The following CHD8 variants were observed in gnomAD, a reference collection of about 807,000 sequenced individuals.
CHD8 encodes ATP-dependent chromatin remodeler CHD8.
CHD8 carries 31 observed loss-of-function variants against 279.2 expected under a neutral mutation model. The ratio of observed to expected loss-of-function variants is 0.11; its 90% confidence interval spans 0.08 to 0.15. CHD8 has a LOEUF of 0.15. Among genes scored for constraint, CHD8 ranks in the 10% least tolerant of loss-of-function variants. CHD8 has a pLI of 1.00. For synonymous variants in CHD8, 1,081 were observed against 1,139.6 expected (o/e 0.95, Z 1.04); for missense variants, 2,146 against 3,230.5 (o/e 0.66, Z 8.14).
intron 10 of CHD8, among the ~76,000 whole-genome samples, chr14:21,411,015 T>C (rs1888470606): frequency 1.3e-5 from 2 of 152,204 alleles, no homozygotes. Context: ...AATGGGTATA[T>C]AGAATAGTAT....
chr14:21,405,306 G>A lies in CHD8; in HGVS notation c.3210C>T (p.Ser1070=). 6.2e-7 allele frequency: 1 copy of A among 1,611,632 alleles called. No individual in the cohort carries two copies. The highest frequency in any genetic ancestry group is 8.5e-7 in the Non-Finnish European group (1 of 1,178,732). ...TATGACCTGCCCCTTTGGAAAGGAA[G>A]GAGAAATTCTTCTCCAAAATAGCCC... The part of the protein sequence containing the change: ...YYRAILEKNF[S]FLSKGAGHTN... The change falls in exon 16 of 38, where the codon TCC becomes TCT. Residue 1070 remains serine (S), a synonymous_variant. Coordinates refer to ENST00000646647, the MANE Select transcript of CHD8 (RefSeq NM_001170629.2). The surrounding 1 kb of genome is among the most constrained non-coding windows in gnomAD (Gnocchi z 4.2).
intron 37 of CHD8, among the ~76,000 whole-genome samples, chr14:21,390,539 G>A (rs185381216): frequency 1.4e-3 from 209 of 152,236 alleles, no homozygotes; most frequent in Non-Finnish European, 2.6e-3. Context: ...CAACACTTTG[G>A]GAGGCCGAGG....
Position 21,402,783 on chromosome 14 carries a change from C to A in CHD8, c.3714+234G>T, listed in dbSNP as rs1017838737. ...TACATATTATCTATGGCTGTTTTTG[C>A]GCTACAGGACTTGGAGATAAGCAGT... On this transcript the variant is annotated intron_variant, in intron 18 of 37. Transcript: ENST00000646647. The surrounding 1 kb of genome is among the most constrained non-coding windows in gnomAD (Gnocchi z 4.5). 6.6e-6 allele frequency among the ~76,000 whole-genome samples: 1 copy of A among 152,170 alleles called. No homozygotes were observed. The highest frequency in any genetic ancestry group is 1.5e-5 in the Non-Finnish European group (1 of 68,036).
rs1378377815 is a variant in CHD8, at chr14:21,386,180, G to A, written c.7183-4C>T. The A allele has an allele frequency of 6.5e-7, 1 of 1,550,036 alleles. No individual in the cohort carries two copies. Among genetic ancestry groups the A allele is most frequent in the Admixed American group, 2.0e-5 (1 of 50,870 alleles). On this transcript the variant is annotated splice_region_variant and splice_polypyrimidine_tract_variant and intron_variant, in intron 37 of 37. Transcript: ENST00000646647. Reference sequence around the variant, plus strand: ...ACACCGTTTCAGTGTGATGACCCTAGGAGGAGGGAATAGAAGATAATAAAA... The same window carrying A: ...ACACCGTTTCAGTGTGATGACCCTAAGAGGAGGGAATAGAAGATAATAAAA...
At chr14:21,441,978 T>C (rs1354743091) in intron 1 of CHD8, among the ~76,000 whole-genome samples, 1 of 152,212 alleles carries the variant, frequency 6.6e-6, no homozygotes, top group Non-Finnish European at 1.5e-5. Flanking sequence ...AGGTTGGCTG[T>C]ATGAGCCTAA....
chr14:21,426,616 G>A (rs1889330045), intron 4 of CHD8: 1 of 162,066 alleles, frequency 6.2e-6, no homozygotes, highest in Non-Finnish European at 1.3e-5. Flanking sequence ...GATAATACCT[G>A]TCCTGACAGT....
chr14:21,443,873 A>C (rs964025376), intron 1 of CHD8, among the ~76,000 whole-genome samples: 379 of 151,922 alleles, frequency 2.5e-3, no homozygotes, highest in Admixed American at 3.9e-3. Flanking sequence ...AAAAAAAAAA[A>C]AAAAAACAAC....
intron 5 of CHD8, 200 bp from the exon 6 acceptor site, chr14:21,416,107 T>C: frequency 2.2e-6 from 1 of 457,624 alleles, no homozygotes; most frequent in Non-Finnish European, 3.8e-6. Context: ...CTTAACTGCT[T>C]TATGAAAGGC....
Position 21,394,979 on chromosome 14 carries a change from G to T in CHD8, c.5323C>A (p.Arg1775=). 1 of 1,613,956 alleles carries T rather than the reference G, an allele frequency of 6.2e-7. No individual in the cohort carries two copies. Among genetic ancestry groups the T allele is most frequent in the South Asian group, 1.1e-5 (1 of 91,078 alleles). ...GCTGCTTCACAACGCCGCCTTCGCC[G>T]GTCCCCACGTTCTGCAGCCTCTATC... The part of the protein sequence containing the change: ...MKIEAAERGD[R]RRRRCEAAFK... The change falls in exon 30 of 38, where the codon CGG becomes AGG. Residue 1775 remains arginine, a synonymous_variant. Transcript: ENST00000646647.
chr14:21,409,740 A>T, intron 11 of CHD8, 111 bp downstream of exon 11: 1 of 994,520 alleles, frequency 1.0e-6, no homozygotes, highest in Non-Finnish European at 1.5e-6. Context: ...TTCGATTTTT[A>T]TATGTTTGAA....
intron 1 of CHD8, among the ~76,000 whole-genome samples, chr14:21,433,705 G>A (rs568644925): frequency 1.3e-5 from 2 of 152,216 alleles, no homozygotes; most frequent in Admixed American, 1.3e-4. Context: ...AAACAAGATC[G>A]TCCTTGCTTC....
At chr14:21,426,303 AC>A in intron 4 of CHD8, 61 bp from the exon 5 acceptor site, 1 of 851,012 alleles carries the variant, frequency 1.2e-6, no homozygotes, top group Non-Finnish European at 1.9e-6. Flanking sequence ...GAGTAAAAAA[AC>A]ATAATTAATC....
intron 5 of CHD8, among the ~76,000 whole-genome samples, chr14:21,417,629 C>A (rs529960051): frequency 6.6e-6 from 1 of 151,654 alleles, no homozygotes; most frequent in African/African-American, 2.4e-5. Context: ...CCGAGGCAGG[C>A]GCATCATGAG....
intron 1 of CHD8, among the ~76,000 whole-genome samples, chr14:21,433,609 T>A (rs1285933214): frequency 6.6e-6 from 1 of 152,164 alleles, no homozygotes; most frequent in Non-Finnish European, 1.5e-5. Flanking sequence ...TAATATGGGT[T>A]AATATATCAG....
At chr14:21,417,810 C>T (rs964685535) in intron 5 of CHD8, among the ~76,000 whole-genome samples, 4 of 146,908 alleles carry the variant, frequency 2.7e-5, no homozygotes, top group Admixed American at 6.8e-5. Flanking sequence ...GCCGAGATCG[C>T]GCCACTGCAC....
chr14:21,386,836 CAAA>C (rs36092694), intron 37 of CHD8, among the ~76,000 whole-genome samples: 1 of 133,686 alleles, frequency 7.5e-6, no homozygotes. Context: ...GACTCCGTCT[CAAA>C]AAAAAAAAAA....
chr14:21,386,105 C>A lies in CHD8; in HGVS notation c.7254G>T (p.Arg2418=). 6.4e-7 allele frequency: 1 copy of A among 1,556,868 alleles called. No homozygotes were observed. The highest frequency in any genetic ancestry group is 1.4e-5 in the African/African-American group (1 of 73,436). The change falls in exon 38 of 38, where the codon CGG becomes CGT. Residue 2418 remains arginine, a synonymous_variant. Transcript: ENST00000646647. ...AAAGGTCTGGTCGCATCCTACGGGCCCGCTTCTTGCTGCTCTCTGGTGCAA... is the reference window on the plus strand; with the variant it reads ...AAAGGTCTGGTCGCATCCTACGGGCACGCTTCTTGCTGCTCTCTGGTGCAA... The part of the protein sequence containing the change: ...GPIAPESSKK[R]ARRMRPDLSK...
At chr14:21,436,751 A>G (rs2139553972) in intron 1 of CHD8, 2 of 354,200 alleles carry the variant, frequency 5.6e-6, no homozygotes, top group East Asian at 7.7e-5. Flanking sequence ...CAACTACGAC[A>G]GCTAAAGACA....
At chr14:21,451,803 T>G (rs1269054760) in intron 1 of CHD8, among the ~76,000 whole-genome samples, 5 of 152,042 alleles carry the variant, frequency 3.3e-5, no homozygotes. Flanking sequence ...GGAAACTATA[T>G]AATTAATAAT....
Sources: gnomAD v4.1 joint callset for allele counts (sites outside exome capture counted in the v4.1 genomes callset) on GRCh38, gnomAD v4.1.1 for gene constraint, Gnocchi (gnomAD v3.1) non-coding constraint, MANE v1.5 for transcripts, NCBI Gene and HGNC (gene_info 2026-07-23, HGNC 2026-07-21) for gene names.